Variants in ARID5B observed in about 807,000 individuals in gnomAD.
The protein encoded by ARID5B is AT-rich interaction domain 5B, also known as AT-rich interactive domain-containing protein 5B.
Under a neutral mutation model 97.2 loss-of-function variants are expected in ARID5B, and 13 were observed. The ratio of observed to expected loss-of-function variants is 0.13; its 90% CI spans 0.09 to 0.21. The LOEUF (loss-of-function observed/expected upper bound fraction) is 0.21. Ranked by LOEUF, ARID5B falls within the 10% of genes least tolerant of loss-of-function variation. ARID5B has a pLI of 1.00. For missense variants in ARID5B, 1,210 were observed against 1,465.3 expected (o/e 0.83, Z 2.84); for synonymous variants, 556 against 570.3 (o/e 0.97, Z 0.36).
chr10:61,925,098 G>A lies in ARID5B; in HGVS notation c.277-15085G>A, dbSNP rs375956673. Among the ~76,000 whole-genome samples the A allele has an allele frequency of 4.6e-5, 7 of 152,078 alleles. No homozygotes were observed. The South Asian group carries it at 1.2e-3, about 27-fold the overall frequency. On this transcript the variant is annotated intron_variant, in intron 2 of 9. Transcript: ENST00000279873. ...CACATACCTGTAATCCCAGCTACTC[G>A]GGAGGCTGAGGCAGGATAATCACTT...
At chr10:62,015,907 G>GCCA (rs1227473816) in intron 4 of ARID5B, among the ~76,000 whole-genome samples, 7 of 152,168 alleles carry the variant, frequency 4.6e-5, no homozygotes, top group Admixed American at 2.0e-4. Context: ...ACAGGCATGA[G>GCCA]CCACCGTACC....
intron 4 of ARID5B, among the ~76,000 whole-genome samples, chr10:62,017,278 C>A (rs1255205907): frequency 6.6e-6 from 1 of 152,070 alleles, no homozygotes; most frequent in Non-Finnish European, 1.5e-5. Flanking sequence ...CATGGTGAAA[C>A]CCTGTCTCTA....
In ARID5B at chr10:62,053,863, C is replaced by G. The variant is rs1283927963; in HGVS notation, c.846+2863C>G. Among the ~76,000 whole-genome samples the G allele has an allele frequency of 2.0e-5, 3 of 152,118 alleles. No individual in the cohort carries two copies. The East Asian group carries it at 5.8e-4, about 29-fold the overall frequency. ...TCAATATTTTTCCTCTCATTTGGTC[C>G]TCAGAACTATTCCCAGGGATTATCA... is the stretch of plus-strand genomic sequence containing the variant. On this transcript the variant is annotated intron_variant, in intron 5 of 9. Coordinates refer to ENST00000279873, the MANE Select transcript of ARID5B (RefSeq NM_032199.3).
At chr10:62,075,602 C>T (rs953351822) in intron 8 of ARID5B, among the ~76,000 whole-genome samples, 6 of 152,210 alleles carry the variant, frequency 3.9e-5, no homozygotes, top group African/African-American at 1.4e-4. Flanking sequence ...CTCTGATCAG[C>T]GTCCAGGAGC....
Position 61,901,817 on chromosome 10 carries a change from A to G in ARID5B, c.21+87A>G, listed in dbSNP as rs1382558091. 11 of 665,752 alleles carry G rather than the reference A, an allele frequency of 1.7e-5. No individual in the cohort carries two copies. The Admixed American group carries it at 3.1e-4, about 19-fold the overall frequency. 41.2% of individuals were successfully genotyped at this position (665,752 alleles called of 1,614,324 possible). ...CTCACCCACACCTCTGCACCCACCC[A>G]CACCCCCCACAAACTTTTCACCAAA... On this transcript the variant is annotated intron_variant, in intron 1 of 9. Coordinates refer to ENST00000279873, the MANE Select transcript of ARID5B (RefSeq NM_032199.3).
chr10:61,987,761 C>A (rs1376411842), intron 3 of ARID5B, among the ~76,000 whole-genome samples: 2 of 152,164 alleles, frequency 1.3e-5, no homozygotes, highest in African/African-American at 4.8e-5. Context: ...GTTTGCCAAC[C>A]CTTTCAAACA....
At chr10:61,934,939 G>A (rs767648150) in intron 2 of ARID5B, among the ~76,000 whole-genome samples, 5 of 151,762 alleles carry the variant, frequency 3.3e-5, no homozygotes, top group South Asian at 2.1e-4. Flanking sequence ...TCTGAATCCC[G>A]GAGGCGGAGG....
At chr10:61,902,894 A>G (rs1430389207) in intron 2 of ARID5B, among the ~76,000 whole-genome samples, 47 of 152,122 alleles carry the variant, frequency 3.1e-4, no homozygotes, top group Non-Finnish European at 1.5e-5. Context: ...GGCGGAAATT[A>G]CGAAATGGAG....
At chr10:61,993,239 G>A (rs759838056) in intron 3 of ARID5B, among the ~76,000 whole-genome samples, 10 of 151,596 alleles carry the variant, frequency 6.6e-5, no homozygotes, top group Admixed American at 5.9e-4. Flanking sequence ...ACTAACTTTG[G>A]GTACTAAGTT....
At chr10:61,988,474 A>G (rs1838876667) in intron 3 of ARID5B, among the ~76,000 whole-genome samples, 1 of 152,180 alleles carries the variant, frequency 6.6e-6, no homozygotes, top group Non-Finnish European at 1.5e-5. Context: ...GATTTTTGTT[A>G]TTCACCAGAA....
At chr10:61,960,996 A>G (rs1274235417) in intron 3 of ARID5B, among the ~76,000 whole-genome samples, 1 of 152,218 alleles carries the variant, frequency 6.6e-6, no homozygotes, top group African/African-American at 2.4e-5. Context: ...GGATTTAATA[A>G]CATATAGAAT....
At chr10:61,944,387 G>A (rs982511933) in intron 3 of ARID5B, among the ~76,000 whole-genome samples, 2 of 151,986 alleles carry the variant, frequency 1.3e-5, no homozygotes, top group African/African-American at 2.4e-5. Context: ...CCCATATTTG[G>A]TATGGCAGTT....
At position 62,091,577 on chromosome 10, in the gene ARID5B, C is replaced by G; in HGVS notation, c.2114C>G (p.Ser705Cys). 6.2e-7 allele frequency: 1 copy of G among 1,612,596 alleles called. No individual in the cohort carries two copies. ...LLSQVSGASL[S>C]SSYPYGSPPP... ...TCCCAAGTGAGTGGGGCCAGCCTCT[C>G]CAGCAGCTACCCTTATGGCTCCCCA... is the stretch of plus-strand genomic sequence containing the variant. Residue 705 changes from serine to cysteine, a missense_variant, in exon 10 of 10, where the codon TCC (serine) becomes TGC (cysteine). Ser to Cys is a moderately radical substitution (Grantham distance 112). Coordinates refer to ENST00000279873, the MANE Select transcript of ARID5B (RefSeq NM_032199.3).
intron 2 of ARID5B, among the ~76,000 whole-genome samples, chr10:61,916,314 A>G (rs1432731599): frequency 1.3e-5 from 2 of 152,196 alleles, no homozygotes; most frequent in African/African-American, 4.8e-5. Flanking sequence ...GCACAGAGCC[A>G]TGCCCACGTT....
intron 3 of ARID5B, among the ~76,000 whole-genome samples, chr10:61,990,949 CTTCTA>C (rs1838915357): frequency 6.6e-6 from 1 of 151,542 alleles, no homozygotes; most frequent in African/African-American, 2.4e-5. Context: ...CACCTAGCAA[CTTCTA>C]TTCTATTTTC....
intron 2 of ARID5B, among the ~76,000 whole-genome samples, chr10:61,903,226 G>C (rs1589211823): frequency 6.6e-6 from 1 of 152,142 alleles, no homozygotes; most frequent in East Asian, 1.9e-4. Flanking sequence ...CTGGCCCTGC[G>C]GGTCCAGCGT....
chr10:61,952,913 C>G (rs1838342433), intron 3 of ARID5B, among the ~76,000 whole-genome samples: 1 of 151,938 alleles, frequency 6.6e-6, no homozygotes, highest in Non-Finnish European at 1.5e-5. Flanking sequence ...ATGCCTTTCT[C>G]AAGGGAATCT....
At chr10:61,907,652 C>T (rs952993967) in intron 2 of ARID5B, among the ~76,000 whole-genome samples, 1 of 152,242 alleles carries the variant, frequency 6.6e-6, no homozygotes, top group South Asian at 2.1e-4. Context: ...ACCAAGCAGG[C>T]CTTTTAGAAC....
intron 4 of ARID5B, among the ~76,000 whole-genome samples, chr10:62,039,307 A>G (rs1839605065): frequency 6.6e-6 from 1 of 152,230 alleles, no homozygotes; most frequent in African/African-American, 2.4e-5. Flanking sequence ...AGAATGTATG[A>G]TATTGATTGC....
Sources: gnomAD v4.1 joint callset for allele counts (sites outside exome capture counted in the v4.1 genomes callset) on GRCh38, gnomAD v4.1.1 for gene constraint, MANE v1.5 for transcripts, NCBI Gene and HGNC (gene_info 2026-07-23, HGNC 2026-07-21) for gene names.